PPP2R3A: variants seen among roughly 807,000 people sequenced by gnomAD.
PPP2R3A encodes the protein protein phosphatase 2 regulatory subunit B''alpha, also known as serine/threonine-protein phosphatase 2A regulatory subunit B'' subunit alpha.
In PPP2R3A, 80 loss-of-function variants were observed where a neutral mutation model predicts 106.9. The observed-to-expected ratio is 0.75, with a 90% CI of 0.62 to 0.90. The LOEUF is 0.90. Among genes scored for constraint, PPP2R3A ranks in the 40% least tolerant of loss-of-function variants. The pLI is 0.00. For missense variants in PPP2R3A, 1,386 were observed against 1,350.4 expected (o/e 1.03, Z -0.41); for synonymous variants, 483 against 468.3 (o/e 1.03, Z -0.41).
At chr3:136,014,720 G>A (rs1008763175) in intron 2 of PPP2R3A, among the ~76,000 whole-genome samples, 1 of 152,068 alleles carries the variant, frequency 6.6e-6, no homozygotes, top group Non-Finnish European at 1.5e-5. Flanking sequence ...AGATCTAGGA[G>A]CTTTTGGATG....
At chr3:136,114,229 C>T (rs1019078130) in intron 13 of PPP2R3A, among the ~76,000 whole-genome samples, 5 of 152,134 alleles carry the variant, frequency 3.3e-5, no homozygotes, top group African/African-American at 4.8e-5. Flanking sequence ...TGGTACACTC[C>T]GGCCAGATAC....
intron 10 of PPP2R3A, among the ~76,000 whole-genome samples, chr3:136,093,732 G>C (rs777792003): frequency 6.6e-6 from 1 of 152,160 alleles, no homozygotes; most frequent in Non-Finnish European, 1.5e-5. Flanking sequence ...AGTTATCAAA[G>C]AGTCAGATAA....
rs558858866 is a variant in PPP2R3A, at chr3:136,043,395, C to T, written c.2366+2433C>T. On this transcript the variant is annotated intron_variant, in intron 4 of 13. Transcript: ENST00000264977. ...AATCGCGGGAACCCAGGAGGCGGAG[C>T]TTGCAGTGAGCCGAGATCGCGCCTC... Among the ~76,000 whole-genome samples, 11 of 152,114 alleles carry T rather than the reference C, an allele frequency of 7.2e-5. No homozygotes were observed. The South Asian group carries it at 2.1e-3, about 29-fold the overall frequency.
chr3:136,104,457 C>G (rs1323419062), intron 12 of PPP2R3A, among the ~76,000 whole-genome samples: 1 of 152,034 alleles, frequency 6.6e-6, no homozygotes, highest in African/African-American at 2.4e-5. Context: ...CAGGCATGCA[C>G]CACCACACCC....
rs890503552 is a variant in PPP2R3A at position 136,146,589 on chromosome 3, T to G, written c.*1423T>G. 3.9e-5 allele frequency: 6 copies of G among 152,100 alleles called. No homozygotes were observed. The highest frequency in any genetic ancestry group is 8.8e-5 in the Non-Finnish European group (6 of 68,040). The allele number at this position is 152,100 out of a possible 1,614,324, so 9.4% of individuals were successfully genotyped here. A position where few individuals can be genotyped will look rare whatever the true frequency, so the allele number is the denominator to read the frequency against. On this transcript the variant is annotated 3_prime_UTR_variant, in exon 14 of 14. Coordinates refer to ENST00000264977, the MANE Select transcript of PPP2R3A (RefSeq NM_002718.5). ...AGTTAACAATCCTAGGAATCCTGCC[T>G]GTCACAAGCTCCCAGTTCCCTGTCA...
rs115960181 is a variant in PPP2R3A, at chr3:136,123,116, G to A, written c.3329+16794G>A. 3.1e-3 allele frequency among the ~76,000 whole-genome samples: 472 copies of A among 152,196 alleles called. 6 individuals are homozygous for A. The highest frequency in any genetic ancestry group is 0.011 in the African/African-American group (455 of 41,524). ...TAATATAATTTATCCCCCAAAATAC[G>A]TTGTGGAACTTAGTAAGCTAGTTTT... On this transcript the variant is annotated intron_variant, in intron 13 of 13. Transcript: ENST00000264977.
intron 3 of PPP2R3A, among the ~76,000 whole-genome samples, chr3:136,032,785 C>T (rs1261283695): frequency 1.3e-5 from 2 of 152,150 alleles, no homozygotes; most frequent in Non-Finnish European, 2.9e-5. Context: ...CTGCCCGCCT[C>T]GGCCTTCCAA....
intron 2 of PPP2R3A, among the ~76,000 whole-genome samples, chr3:136,026,389 C>T (rs1257001604): frequency 6.6e-6 from 1 of 152,100 alleles, no homozygotes; most frequent in Non-Finnish European, 1.5e-5. Context: ...TCCCCAAATA[C>T]TTTTCGGATA....
chr3:136,030,157 A>G (rs1030711828), intron 3 of PPP2R3A, among the ~76,000 whole-genome samples: 2 of 152,116 alleles, frequency 1.3e-5, no homozygotes, highest in Admixed American at 6.6e-5. Context: ...GGTTGAGGCT[A>G]CAGTGAGCCA....
At chr3:136,042,576 A>G (rs1000197983) in intron 4 of PPP2R3A, among the ~76,000 whole-genome samples, 1 of 152,226 alleles carries the variant, frequency 6.6e-6, no homozygotes, top group African/African-American at 2.4e-5. Context: ...TTTTATTCAG[A>G]TGAATTGTTT....
At chr3:136,013,328 A>G (rs919669827) in intron 2 of PPP2R3A, among the ~76,000 whole-genome samples, 1 of 152,128 alleles carries the variant, frequency 6.6e-6, no homozygotes, top group African/African-American at 2.4e-5. Flanking sequence ...GTGTGCAAGT[A>G]TCTTTTTCAT....
At chr3:136,047,717 C>CA (rs1935520918) in intron 4 of PPP2R3A, among the ~76,000 whole-genome samples, 1 of 151,966 alleles carries the variant, frequency 6.6e-6, no homozygotes, top group Admixed American at 6.6e-5. Flanking sequence ...CTGGCTAACA[C>CA]AGTGAAACCC....
intron 13 of PPP2R3A, among the ~76,000 whole-genome samples, chr3:136,129,710 A>G (rs1266619798): frequency 6.6e-6 from 1 of 152,216 alleles, no homozygotes; most frequent in Non-Finnish European, 1.5e-5. Flanking sequence ...CAGAGACACA[A>G]CAAAAAATGA....
At chr3:136,058,262 C>G (rs1935946081) in intron 5 of PPP2R3A, among the ~76,000 whole-genome samples, 1 of 152,048 alleles carries the variant, frequency 6.6e-6, no homozygotes, top group Non-Finnish European at 1.5e-5. Flanking sequence ...TCCTATATTT[C>G]AAAAACCCCC....
chr3:136,145,230 T>C lies in PPP2R3A; in HGVS notation c.*64T>C. ...AATGTTTCTTTCTTGTGAAGAGATG[T>C]TCTCGTTTGCATACTGCTTTTTAAA... On this transcript the variant is annotated 3_prime_UTR_variant, in exon 14 of 14. Transcript: ENST00000264977. 6.5e-7 allele frequency: 1 copy of C among 1,538,506 alleles called. No individual in the cohort carries two copies. The highest frequency in any genetic ancestry group is 1.3e-5 in the South Asian group (1 of 79,498).
chr3:136,023,571 A>G (rs1934540191), intron 2 of PPP2R3A, among the ~76,000 whole-genome samples: 2 of 152,150 alleles, frequency 1.3e-5, no homozygotes, highest in South Asian at 4.1e-4. Flanking sequence ...TTTCTGTATT[A>G]AAAGCCTTGT....
At chr3:136,060,886 T>G (rs1936053893) in intron 5 of PPP2R3A, among the ~76,000 whole-genome samples, 2 of 152,320 alleles carry the variant, frequency 1.3e-5, no homozygotes, top group Middle Eastern at 3.4e-3. Flanking sequence ...AGACAGTAGA[T>G]TTTGTGTTTT....
intron 12 of PPP2R3A, among the ~76,000 whole-genome samples, chr3:136,103,819 C>T (rs1937444694): frequency 6.6e-6 from 1 of 152,120 alleles, no homozygotes; most frequent in Non-Finnish European, 1.5e-5. Flanking sequence ...GATAGAAAAC[C>T]TTCAAATAAT....
intron 1 of PPP2R3A, among the ~76,000 whole-genome samples, chr3:135,983,909 T>C (rs943764410): frequency 6.6e-6 from 1 of 152,226 alleles, no homozygotes; most frequent in Non-Finnish European, 1.5e-5. Context: ...CATTGGTTTT[T>C]AAGAGTCACC....
Sources: allele counts gnomAD v4.1 joint callset (sites outside exome capture counted in the v4.1 genomes callset), GRCh38; gene constraint gnomAD v4.1.1; transcripts MANE v1.5; gene names NCBI Gene and HGNC (gene_info 2026-07-23, HGNC 2026-07-21).